Variants in FSIP1 observed in about 807,000 individuals in gnomAD.
FSIP1 encodes fibrous sheath-interacting protein 1.
Under a neutral mutation model 60.9 loss-of-function variants are expected in FSIP1, and 65 were observed. The ratio of observed to expected loss-of-function variants is 1.07; its 90% CI spans 0.87 to 1.31. The LOEUF (loss-of-function observed/expected upper bound fraction) is 1.31, where lower values mean the gene tolerates loss of function less well. Among genes scored for constraint, FSIP1 ranks in the 40% most tolerant of loss-of-function variants. The pLI is 0.00. For synonymous variants in FSIP1, 209 were observed against 221.2 expected (o/e 0.94, Z 0.49); for missense variants, 675 against 665.5 (o/e 1.01, Z -0.16).
intron 10 of FSIP1, among the ~76,000 whole-genome samples, chr15:39,677,200 C>A (rs760174467): frequency 1.3e-5 from 2 of 152,054 alleles, no homozygotes; most frequent in Non-Finnish European, 2.9e-5. Flanking sequence ...ATGCAATAAC[C>A]AAAATAAAAA....
intron 10 of FSIP1, among the ~76,000 whole-genome samples, chr15:39,693,218 A>G (rs942909512): frequency 6.6e-6 from 1 of 152,224 alleles, no homozygotes; most frequent in African/African-American, 2.4e-5. Context: ...AAAACAATAG[A>G]GTTTCACACC....
rs145582693 is a variant in FSIP1 at position 39,767,784 on chromosome 15, A to G, written c.311-2038T>C. On this transcript the variant is annotated intron_variant, in intron 3 of 11. Transcript: ENST00000350221. The stretch of plus-strand genomic sequence containing the variant: ...GGCAGCCTGACTCCAGGGGAAGACC[A>G]CCTTCCCACTCCATCCCCGTTCCAG... Among the ~76,000 whole-genome samples, 1,090 of 152,166 alleles carry G rather than the reference A, an allele frequency of 7.2e-3. 53 individuals carry two copies. Among genetic ancestry groups the G allele is most frequent in the Non-Finnish European group, 1.4e-3 (93 of 67,968 alleles).
At chr15:39,697,177 G>A (rs572435775) in intron 10 of FSIP1, among the ~76,000 whole-genome samples, 2 of 152,096 alleles carry the variant, frequency 1.3e-5, no homozygotes, top group South Asian at 2.1e-4. Context: ...ATCTTCAGAG[G>A]CAGTCAGTGA....
chr15:39,652,453 T>C (rs1370483635), intron 10 of FSIP1, among the ~76,000 whole-genome samples: 1 of 152,240 alleles, frequency 6.6e-6, no homozygotes, highest in Admixed American at 6.5e-5. Flanking sequence ...GTTCAACTTA[T>C]ATATATAGGA....
chr15:39,616,155 G>T (rs901280476), intron 11 of FSIP1, among the ~76,000 whole-genome samples: 3 of 152,112 alleles, frequency 2.0e-5, no homozygotes, highest in Non-Finnish European at 4.4e-5. Flanking sequence ...TATTTATATA[G>T]AATGTGTGAC....
intron 10 of FSIP1, among the ~76,000 whole-genome samples, chr15:39,649,111 C>G (rs547019552): frequency 6.6e-6 from 1 of 152,068 alleles, no homozygotes. Context: ...TGACTGGACA[C>G]GATTTCAGTC....
intron 10 of FSIP1, among the ~76,000 whole-genome samples, chr15:39,710,611 T>G (rs1311400589): frequency 6.6e-6 from 1 of 152,172 alleles, no homozygotes; most frequent in Non-Finnish European, 1.5e-5. Flanking sequence ...ATAACAAGTT[T>G]ATCACACTTT....
At chr15:39,645,441 G>A (rs1165032105) in intron 10 of FSIP1, among the ~76,000 whole-genome samples, 5 of 152,070 alleles carry the variant, frequency 3.3e-5, no homozygotes, top group South Asian at 2.1e-4. Flanking sequence ...CAGGAGCCTC[G>A]CCCTCCTGGG....
At position 39,718,271 on chromosome 15, in the gene FSIP1, TAC is replaced by T. The variant is rs369054064; in HGVS notation, c.1051-4692_1051-4691del. ...AGATATACACACACACACATATATA[TAC>T]ACACACACAAATATAATTATATACA... On this transcript the variant is annotated intron_variant, in intron 9 of 11. Coordinates refer to ENST00000350221, the MANE Select transcript of FSIP1 (RefSeq NM_152597.5). 6.4e-4 allele frequency among the ~76,000 whole-genome samples: 96 copies of T among 150,866 alleles called. 1 individual carries two copies. The East Asian group carries it at 0.011, about 17-fold the overall frequency.
chr15:39,628,981 A>G (rs1263093674), intron 10 of FSIP1, among the ~76,000 whole-genome samples: 1 of 152,214 alleles, frequency 6.6e-6, no homozygotes, highest in African/African-American at 2.4e-5. Context: ...ATGCTGGAAC[A>G]TCAATAGCAA....
chr15:39,648,884 T>G (rs1441557972), intron 10 of FSIP1, among the ~76,000 whole-genome samples: 1 of 152,202 alleles, frequency 6.6e-6, no homozygotes, highest in Non-Finnish European at 1.5e-5. Context: ...TGTTCTATCT[T>G]TATTTTATAT....
Position 39,780,295 on chromosome 15 carries a change from G to A in FSIP1, c.-8+2333C>T, listed in dbSNP as rs145311003. Reference sequence around the variant, plus strand: ...TCCCAGCACTTTGGGAGGCCGAGGCGGGCAGATCACGAGGTCAGGAGGATC... The same window carrying A: ...TCCCAGCACTTTGGGAGGCCGAGGCAGGCAGATCACGAGGTCAGGAGGATC... On this transcript the variant is annotated intron_variant, in intron 1 of 11. Coordinates refer to ENST00000350221, the MANE Select transcript of FSIP1 (RefSeq NM_152597.5). Among the ~76,000 whole-genome samples the A allele has an allele frequency of 4.6e-3, 696 of 152,216 alleles. 5 individuals carry two copies. The highest frequency in any genetic ancestry group is 0.016 in the African/African-American group (655 of 41,532).
intron 11 of FSIP1, among the ~76,000 whole-genome samples, chr15:39,601,856 A>T (rs1157384991): frequency 6.6e-6 from 1 of 152,046 alleles, no homozygotes; most frequent in Non-Finnish European, 1.5e-5. Flanking sequence ...ATTCACAGAG[A>T]CAGAAAGACT....
intron 11 of FSIP1, among the ~76,000 whole-genome samples, chr15:39,617,141 C>A (rs975044630): frequency 6.6e-6 from 1 of 152,106 alleles, no homozygotes; most frequent in African/African-American, 2.4e-5. Flanking sequence ...AAAATTGAAT[C>A]TATTTAAATA....
At chr15:39,699,033 A>C (rs1894945937) in intron 10 of FSIP1, among the ~76,000 whole-genome samples, 1 of 152,208 alleles carries the variant, frequency 6.6e-6, no homozygotes, top group African/African-American at 2.4e-5. Context: ...TGTGGTCTCA[A>C]GATGCCTCCT....
chr15:39,607,457 G>A (rs1008168435), intron 11 of FSIP1, among the ~76,000 whole-genome samples: 3 of 152,204 alleles, frequency 2.0e-5, no homozygotes, highest in Non-Finnish European at 4.4e-5. Context: ...GAAGAGAAGA[G>A]TGCTAGTTAT....
chr15:39,780,265 T>G (rs1595413165), intron 1 of FSIP1, among the ~76,000 whole-genome samples: 1 of 152,222 alleles, frequency 6.6e-6, no homozygotes, highest in Admixed American at 6.5e-5. Context: ...GGCTCACGCC[T>G]GTAATCCCAG....
intron 10 of FSIP1, among the ~76,000 whole-genome samples, chr15:39,676,202 C>A (rs1447563030): frequency 1.3e-5 from 2 of 149,596 alleles, no homozygotes; most frequent in African/African-American, 2.4e-5. Context: ...AATATCATAC[C>A]TCATACACTC....
chr15:39,677,365 A>G (rs1893983818), intron 10 of FSIP1, among the ~76,000 whole-genome samples: 1 of 151,824 alleles, frequency 6.6e-6, no homozygotes, highest in South Asian at 2.1e-4. Flanking sequence ...GCTTCCCCAT[A>G]TATGTTTCTG....
Sources: gnomAD v4.1 joint callset for allele counts (sites outside exome capture counted in the v4.1 genomes callset) on GRCh38, gnomAD v4.1.1 for gene constraint, MANE v1.5 for transcripts, NCBI Gene and HGNC (gene_info 2026-07-23, HGNC 2026-07-21) for gene names.